The following DNAH8 variants were observed in gnomAD, a reference collection of about 807,000 sequenced individuals.
The protein encoded by DNAH8 is axonemal beta dynein heavy chain 8.
A neutral mutation model predicts 562.1 loss-of-function variants in DNAH8; 382 were observed. The ratio of observed to expected loss-of-function variants is 0.68; its 90% CI spans 0.63 to 0.74. The LOEUF (loss-of-function observed/expected upper bound fraction) is 0.74. Ranked by LOEUF, DNAH8 falls within the 30% of genes least tolerant of loss-of-function variation. The pLI is 0.00. For synonymous variants in DNAH8, 1,881 were observed against 1,919.4 expected, an observed-to-expected ratio of 0.98 and a Z score of 0.52; for missense variants, 5,203 against 5,620.4, an observed-to-expected ratio of 0.93 and a Z score of 2.37.
At chr6:38,854,638 A>G (rs1469885110) in intron 41 of DNAH8, among the ~76,000 whole-genome samples, 1 of 152,110 alleles carries the variant, frequency 6.6e-6, no homozygotes, top group Non-Finnish European at 1.5e-5. Context: ...TTGAGAAAAG[A>G]GTTCCTGAAA....
rs906740099 is a variant in DNAH8 at position 38,832,050 on chromosome 6, A to G, written c.4189-272A>G. Among the ~76,000 whole-genome samples, 14 of 152,308 alleles carry G rather than the reference A, an allele frequency of 9.2e-5. No individual in the cohort carries two copies. The East Asian group carries it at 2.7e-3, about 29-fold the overall frequency. On this transcript the variant is annotated intron_variant, in intron 30 of 92. Coordinates refer to ENST00000327475, the MANE Select transcript of DNAH8 (RefSeq NM_001206927.2). ...AACATGTGACCCAGACCATGCCAAT[A>G]ATAGTATCTGTCTCCCATGTCACAG... is the stretch of plus-strand genomic sequence containing the variant.
At chr6:38,790,446 C>A in intron 20 of DNAH8, 41 bp downstream of exon 20, 2 of 943,960 alleles carry the variant, frequency 2.1e-6, no homozygotes, top group South Asian at 2.9e-5. Context: ...CATATATACT[C>A]AGGATATAAG....
chr6:38,974,198 T>A (rs1281101241), intron 84 of DNAH8, among the ~76,000 whole-genome samples, 176 bp from the exon 85 acceptor site: 3 of 152,246 alleles, frequency 2.0e-5, no homozygotes, highest in Admixed American at 2.0e-4. Flanking sequence ...GCCAATAGAA[T>A]GCTCAAAGGC....
At chr6:38,824,366 C>A (rs1259317823) in intron 28 of DNAH8, among the ~76,000 whole-genome samples, 2 of 152,018 alleles carry the variant, frequency 1.3e-5, no homozygotes, top group African/African-American at 4.8e-5. Flanking sequence ...CACTCAGAGG[C>A]GGGTTTATTG....
At chr6:38,746,666 C>T (rs1034513129) in intron 8 of DNAH8, among the ~76,000 whole-genome samples, 8 of 152,072 alleles carry the variant, frequency 5.3e-5, no homozygotes, top group Admixed American at 1.3e-4. Context: ...TGGTGGCTCA[C>T]GCCTGTAATC....
chr6:38,915,172 G>C, intron 67 of DNAH8, 29 bp from the exon 68 acceptor site: 1 of 1,559,094 alleles, frequency 6.4e-7, no homozygotes, highest in Non-Finnish European at 8.6e-7. Flanking sequence ...GGTTTCTATT[G>C]GCTTTCATGT....
At chr6:38,745,181 C>T (rs1450763672) in intron 8 of DNAH8, among the ~76,000 whole-genome samples, 5 of 152,178 alleles carry the variant, frequency 3.3e-5, no homozygotes, top group Middle Eastern at 3.2e-3. Context: ...GTAACACAAC[C>T]TACTGCAGGT....
chr6:38,922,024 A>C (rs746041514), intron 71 of DNAH8, among the ~76,000 whole-genome samples: 4 of 73,968 alleles, frequency 5.4e-5, no homozygotes, highest in Non-Finnish European at 1.7e-4. Flanking sequence ...TCACAAGGTA[A>C]TGTCATCAGT....
intron 48 of DNAH8, among the ~76,000 whole-genome samples, chr6:38,868,869 G>T (rs1661388763): frequency 6.6e-6 from 1 of 151,842 alleles, no homozygotes; most frequent in Non-Finnish European, 1.5e-5. Flanking sequence ...ATAGGGTTTT[G>T]CCATGTCACC....
In DNAH8 at chr6:38,911,450, T is replaced by C. The variant is rs752465939; in HGVS notation, c.9741-18T>C. ...ACGCACAATGATTGAAATGGTCCTT[T>C]TAATGTTCTGCTTTCAGATACCGCC... On this transcript the variant is annotated intron_variant, in intron 65 of 92. Coordinates refer to ENST00000327475, the MANE Select transcript of DNAH8 (RefSeq NM_001206927.2). The C allele has an allele frequency of 3.8e-5, 59 of 1,558,560 alleles. No homozygotes were observed. Among genetic ancestry groups the C allele is most frequent in the Non-Finnish European group, 4.7e-5 (53 of 1,129,648 alleles).
Position 39,030,183 on chromosome 6 carries a change from C to A in DNAH8, c.13915C>A (p.Pro4639Thr). ...GAATGGGAAGCTCATGGAATCCACCCCCAAGGTACTCTTCACGCAGTTACC... is the reference window on the plus strand; with the variant it reads ...GAATGGGAAGCTCATGGAATCCACCACCAAGGTACTCTTCACGCAGTTACC... Reference protein sequence around the residue: ...RRNGKLMESTPKVLFTQLPVL... With the variant: ...RRNGKLMESTTKVLFTQLPVL... The change falls in exon 93 of 93, where the codon CCC (proline) becomes ACC (threonine). Residue 4639 changes from proline to threonine, a missense_variant. Around this residue, in one of 6 missense-constraint regions of DNAH8, gnomAD observed 1,399 missense variants for 1,518.4 expected, o/e 0.92. Transcript: ENST00000327475. The A allele has an allele frequency of 5.0e-6, 8 of 1,614,108 alleles. No homozygotes were observed. The highest frequency in any genetic ancestry group is 6.8e-6 in the Non-Finnish European group (8 of 1,180,010).
At chr6:39,019,577 GTA>G (rs1561982509) in intron 91 of DNAH8, among the ~76,000 whole-genome samples, 1 of 152,186 alleles carries the variant, frequency 6.6e-6, no homozygotes, top group African/African-American at 2.4e-5. Flanking sequence ...CAGCAGCCTC[GTA>G]TAGACGTGAG....
At chr6:38,774,350 AG>A (rs1767861880) in intron 12 of DNAH8, among the ~76,000 whole-genome samples, 5 of 152,126 alleles carry the variant, frequency 3.3e-5, no homozygotes, top group African/African-American at 1.2e-4. Context: ...AGAACTGGAA[AG>A]GGTGCAAGGT....
At chr6:38,844,289 T>C (rs1775095886) in intron 35 of DNAH8, among the ~76,000 whole-genome samples, 1 of 152,182 alleles carries the variant, frequency 6.6e-6, no homozygotes, top group Non-Finnish European at 1.5e-5. Context: ...CATGGATATG[T>C]TTGTCTTTTT....
chr6:38,758,833 A>G (rs1489762065), intron 10 of DNAH8, among the ~76,000 whole-genome samples: 5 of 152,110 alleles, frequency 3.3e-5, no homozygotes, highest in Non-Finnish European at 5.9e-5. Context: ...GATTATGTTT[A>G]TTGATTTGTG....
intron 8 of DNAH8, among the ~76,000 whole-genome samples, chr6:38,747,184 G>A (rs1337827553): frequency 1.3e-5 from 2 of 151,990 alleles, no homozygotes; most frequent in African/African-American, 4.8e-5. Context: ...ACATCAGCTG[G>A]ATCAGGTGGA....
intron 26 of DNAH8, among the ~76,000 whole-genome samples, chr6:38,816,020 G>A (rs1367070817): frequency 2.6e-5 from 4 of 151,676 alleles, no homozygotes; most frequent in African/African-American, 7.3e-5. Context: ...GACACTTCCT[G>A]TATAGAAAGA....
chr6:38,842,652 C>T lies in DNAH8; in HGVS notation c.4605-11C>T, dbSNP rs1352869858. The T allele has an allele frequency of 9.4e-6, 15 of 1,602,786 alleles. No homozygotes were observed. The highest frequency in any genetic ancestry group is 1.7e-4 in the Middle Eastern group (1 of 5,982). On this transcript the variant is annotated splice_polypyrimidine_tract_variant and intron_variant, in intron 34 of 92. Coordinates refer to ENST00000327475, the MANE Select transcript of DNAH8 (RefSeq NM_001206927.2). Reference sequence around the variant, plus strand: ...AAGGTGGCATATTTTTTTTCTCTTTCTTTCTGAAAGATGTCGTAAACTTCC... The same window carrying T: ...AAGGTGGCATATTTTTTTTCTCTTTTTTTCTGAAAGATGTCGTAAACTTCC...
At chr6:38,897,641 G>A (rs1414265636) in intron 60 of DNAH8, among the ~76,000 whole-genome samples, 1 of 152,106 alleles carries the variant, frequency 6.6e-6, no homozygotes, top group South Asian at 2.1e-4. Flanking sequence ...AGAGCCGGGC[G>A]AGGTGGTTTA....
Sources: allele counts gnomAD v4.1 joint callset (sites outside exome capture counted in the v4.1 genomes callset), GRCh38; gene constraint gnomAD v4.1.1; regional missense constraint gnomAD v4.1.1; transcripts MANE v1.5; gene names NCBI Gene and HGNC (gene_info 2026-07-23, HGNC 2026-07-21).